CTDSPL: variants seen among roughly 807,000 people sequenced by gnomAD.
The protein encoded by CTDSPL is CTD small phosphatase-like protein.
In CTDSPL, 8 loss-of-function variants were observed where a neutral mutation model predicts 30.5. The observed-to-expected ratio is 0.26, with a 90% CI of 0.15 to 0.47. The LOEUF (loss-of-function observed/expected upper bound fraction) is 0.47. CTDSPL is among the 20% of genes least tolerant of loss of function. CTDSPL has a pLI of 0.99. For missense variants in CTDSPL, 248 were observed against 366.1 expected (o/e 0.68, Z 2.63); for synonymous variants, 110 against 137.9 (o/e 0.80, Z 1.42).
At chr3:37,866,319 TA>T (rs373088094) in intron 1 of CTDSPL, among the ~76,000 whole-genome samples, 1,704 of 149,542 alleles carry the variant, frequency 0.011, 37 homozygotes, top group South Asian at 0.08. Context: ...CCTACCTTTG[TA>T]AAAAAAAAAT....
At chr3:37,909,116 T>C (rs1330246445) in intron 1 of CTDSPL, among the ~76,000 whole-genome samples, 1 of 152,184 alleles carries the variant, frequency 6.6e-6, no homozygotes, top group Non-Finnish European at 1.5e-5. Context: ...AAAATGAAGA[T>C]ACCCTTTTGG....
chr3:37,967,164 C>T (rs937318284), intron 4 of CTDSPL, among the ~76,000 whole-genome samples: 2 of 152,184 alleles, frequency 1.3e-5, no homozygotes, highest in African/African-American at 4.8e-5. Context: ...GAGCTGGTGC[C>T]AGGCTACCTG....
chr3:37,931,611 G>A (rs1206734907), intron 1 of CTDSPL, among the ~76,000 whole-genome samples: 1 of 151,606 alleles, frequency 6.6e-6, no homozygotes, highest in Admixed American at 6.6e-5. Flanking sequence ...CTTCCTTTGT[G>A]GTTCATTAAT....
chr3:37,925,342 G>A (rs1168011432), intron 1 of CTDSPL, among the ~76,000 whole-genome samples: 1 of 152,128 alleles, frequency 6.6e-6, no homozygotes, highest in African/African-American at 2.4e-5. Flanking sequence ...TTCTTTTCCT[G>A]TAAAAGGCAT....
chr3:37,957,711 G>A (rs1699189664), intron 3 of CTDSPL, among the ~76,000 whole-genome samples: 1 of 152,074 alleles, frequency 6.6e-6, no homozygotes, highest in Non-Finnish European at 1.5e-5. Flanking sequence ...GCCCCAGCTG[G>A]GCGCTCCCTG....
chr3:37,945,905 G>T (rs1699031236), intron 1 of CTDSPL, among the ~76,000 whole-genome samples: 1 of 152,204 alleles, frequency 6.6e-6, no homozygotes, highest in Non-Finnish European at 1.5e-5. Context: ...TTCAGCAAAG[G>T]TTTTGTGATC....
chr3:37,980,190 C>T (rs1173845837), intron 7 of CTDSPL, among the ~76,000 whole-genome samples: 1 of 152,176 alleles, frequency 6.6e-6, no homozygotes, highest in East Asian at 1.9e-4. Context: ...CTGTCTTTGC[C>T]CATAGCTTCA....
chr3:37,868,378 T>C (rs1698036278), intron 1 of CTDSPL, among the ~76,000 whole-genome samples: 1 of 152,090 alleles, frequency 6.6e-6, no homozygotes, highest in Non-Finnish European at 1.5e-5. Flanking sequence ...TTTCATCCTC[T>C]AAAGAGCCTT....
chr3:37,922,367 T>C (rs765512855), intron 1 of CTDSPL, among the ~76,000 whole-genome samples: 3 of 152,280 alleles, frequency 2.0e-5, no homozygotes, highest in South Asian at 2.1e-4. Context: ...CTGTGGAGTA[T>C]GAAGGCAGGG....
At chr3:37,900,374 AAATC>A (rs1268035530) in intron 1 of CTDSPL, among the ~76,000 whole-genome samples, 1 of 152,234 alleles carries the variant, frequency 6.6e-6, no homozygotes, top group Non-Finnish European at 1.5e-5. Flanking sequence ...GCAATTCTTC[AAATC>A]AGCTTTCAAG....
At chr3:37,928,455 T>C (rs1698811075) in intron 1 of CTDSPL, among the ~76,000 whole-genome samples, 1 of 152,196 alleles carries the variant, frequency 6.6e-6, no homozygotes, top group Non-Finnish European at 1.5e-5. Flanking sequence ...CCCATTGTGG[T>C]TTTGAATTGC....
intron 1 of CTDSPL, among the ~76,000 whole-genome samples, chr3:37,902,603 C>T (rs548048256): frequency 2.0e-5 from 3 of 152,246 alleles, no homozygotes; most frequent in East Asian, 1.9e-4. Flanking sequence ...TCTCTTTGCC[C>T]GCTTCTTCCT....
At chr3:37,907,585 G>C (rs1698533005) in intron 1 of CTDSPL, among the ~76,000 whole-genome samples, 1 of 152,176 alleles carries the variant, frequency 6.6e-6, no homozygotes, top group Non-Finnish European at 1.5e-5. Flanking sequence ...GGAGAGGACA[G>C]AGCATTAAAT....
At chr3:37,905,984 A>T (rs1164825562) in intron 1 of CTDSPL, among the ~76,000 whole-genome samples, 1 of 152,176 alleles carries the variant, frequency 6.6e-6, no homozygotes, top group African/African-American at 2.4e-5. Flanking sequence ...CAAATCGCCC[A>T]TTGATTTTTC....
intron 1 of CTDSPL, among the ~76,000 whole-genome samples, chr3:37,869,643 T>C (rs1698051177): frequency 6.6e-6 from 1 of 152,160 alleles, no homozygotes; most frequent in African/African-American, 2.4e-5. Flanking sequence ...ACTTTAGCAG[T>C]ATGTCGAACA....
At chr3:37,878,370 G>C (rs1698162268) in intron 1 of CTDSPL, among the ~76,000 whole-genome samples, 1 of 152,164 alleles carries the variant, frequency 6.6e-6, no homozygotes, top group African/African-American at 2.4e-5. Context: ...AAAGTAAAAG[G>C]CATGGATTAA....
chr3:37,951,421 A>C (rs1036569360), intron 2 of CTDSPL, among the ~76,000 whole-genome samples: 1 of 151,956 alleles, frequency 6.6e-6, no homozygotes, highest in Non-Finnish European at 1.5e-5. Flanking sequence ...CATTCCTGTA[A>C]TCCCAGCACT....
At chr3:37,941,751 GC>G (rs1408363434) in intron 1 of CTDSPL, among the ~76,000 whole-genome samples, 2 of 150,306 alleles carry the variant, frequency 1.3e-5, no homozygotes, top group African/African-American at 4.8e-5. Flanking sequence ...AAGCAGGCCT[GC>G]CCCGGGCTGA....
Position 37,971,403 on chromosome 3 carries a change from G to GC in CTDSPL, c.427-3dup, listed in dbSNP as rs754354853. 6.2e-7 allele frequency: 1 copy of GC among 1,613,616 alleles called. No individual in the cohort carries two copies. The highest frequency in any genetic ancestry group is 1.1e-5 in the South Asian group (1 of 90,900). ...GACCAGCCTGCTGTCTCCTGCCATT[G>GC]CAGGTGTATGTGCTGAAGCGGCCAC... is the stretch of plus-strand genomic sequence containing the variant. On this transcript the variant is annotated splice_region_variant and splice_polypyrimidine_tract_variant and intron_variant, in intron 5 of 7. Transcript: ENST00000273179.
Sources: gnomAD v4.1 joint callset for allele counts (sites outside exome capture counted in the v4.1 genomes callset) on GRCh38, gnomAD v4.1.1 for gene constraint, MANE v1.5 for transcripts, NCBI Gene and HGNC (gene_info 2026-07-23, HGNC 2026-07-21) for gene names.